Variants in SBF2 observed in about 807,000 individuals in gnomAD.
SBF2 encodes the protein myotubularin-related protein 13.
In SBF2, 112 loss-of-function variants were observed where a neutral mutation model predicts 225.2. The ratio of observed to expected loss-of-function variants is 0.50; its 90% CI spans 0.43 to 0.58. The LOEUF is 0.58. SBF2 is among the 20% of genes least tolerant of loss of function. SBF2 has a pLI of 0.00. For missense variants in SBF2, 1,996 were observed against 2,206.2 expected, an observed-to-expected ratio of 0.90 and a Z score of 1.91; for synonymous variants, 763 against 773.3, an observed-to-expected ratio of 0.99 and a Z score of 0.22.
At chr11:10,210,382 G>A (rs1034786487) in intron 1 of SBF2, among the ~76,000 whole-genome samples, 4 of 150,992 alleles carry the variant, frequency 2.6e-5, no homozygotes, top group African/African-American at 9.7e-5. Flanking sequence ...AGGAGGAGGA[G>A]GAAGAGAAGG....
intron 1 of SBF2, among the ~76,000 whole-genome samples, chr11:10,276,646 TATGAAC>T (rs1962979607): frequency 6.6e-6 from 1 of 152,220 alleles, no homozygotes; most frequent in Non-Finnish European, 1.5e-5. Flanking sequence ...TCATGATCAG[TATGAAC>T]ATGGACAAAT....
chr11:10,146,466 C>T (rs543099999), intron 2 of SBF2, among the ~76,000 whole-genome samples: 2 of 152,212 alleles, frequency 1.3e-5, no homozygotes, highest in East Asian at 3.9e-4. Flanking sequence ...AAAACAAGCA[C>T]TGGGGAAAGG....
chr11:10,021,464 C>A (rs775260585), intron 6 of SBF2, among the ~76,000 whole-genome samples: 23 of 151,442 alleles, frequency 1.5e-4, no homozygotes, highest in East Asian at 5.8e-4. Context: ...AACAAAAAAA[C>A]CAAAAACCAA....
chr11:9,818,020 ATCACAACCTCCACC>A (rs1854552007), intron 28 of SBF2, among the ~76,000 whole-genome samples: 3 of 152,226 alleles, frequency 2.0e-5, no homozygotes, highest in Non-Finnish European at 2.9e-5. Flanking sequence ...ATCTCAGCAC[ATCACAACCTCCACC>A]TCCTGGGTTC....
At chr11:10,289,465 G>A (rs1415435511) in intron 1 of SBF2, among the ~76,000 whole-genome samples, 1 of 152,114 alleles carries the variant, frequency 6.6e-6, no homozygotes, top group African/African-American at 2.4e-5. Context: ...TGGAGCAGGG[G>A]CTCCAGGTCC....
intron 2 of SBF2, among the ~76,000 whole-genome samples, chr11:10,129,545 C>T (rs1367322888): frequency 6.6e-6 from 1 of 152,120 alleles, no homozygotes; most frequent in East Asian, 1.9e-4. Context: ...CTAATTAGAT[C>T]CTCCTTTAAT....
At chr11:10,117,342 G>A (rs1284245487) in intron 2 of SBF2, among the ~76,000 whole-genome samples, 4 of 151,114 alleles carry the variant, frequency 2.6e-5, no homozygotes, top group Non-Finnish European at 5.9e-5. Flanking sequence ...TCGGGAGGCT[G>A]AGGCAGGAGA....
intron 2 of SBF2, among the ~76,000 whole-genome samples, chr11:10,117,048 C>T (rs1355664471): frequency 6.6e-6 from 1 of 151,994 alleles, no homozygotes; most frequent in Non-Finnish European, 1.5e-5. Context: ...AAGTGAAGTG[C>T]CCAGATCAAA....
chr11:9,784,519 T>C (rs987742014), intron 37 of SBF2, 81 bp from the exon 38 acceptor site: 2 of 1,098,884 alleles, frequency 1.8e-6, no homozygotes, highest in African/African-American at 3.1e-5. Flanking sequence ...TCTGTTGTTT[T>C]TGTCAAGTCT....
intron 33 of SBF2, among the ~76,000 whole-genome samples, chr11:9,792,599 G>A (rs901658307): frequency 2.0e-5 from 3 of 152,156 alleles, no homozygotes; most frequent in Non-Finnish European, 4.4e-5. Context: ...AGAAGGAACA[G>A]ACTTCAAGTA....
intron 26 of SBF2, chr11:9,838,343 T>C (rs374819053): frequency 5.9e-5 from 9 of 151,992 alleles, no homozygotes; most frequent in East Asian, 5.8e-4. Context: ...ATTTTACTTC[T>C]GACAGATTGG....
intron 1 of SBF2, among the ~76,000 whole-genome samples, chr11:10,275,114 T>C (rs1476217806): frequency 3.3e-5 from 5 of 151,618 alleles, no homozygotes; most frequent in Non-Finnish European, 7.4e-5. Context: ...GTCCAGAAAC[T>C]AAGTCCATAA....
chr11:9,891,067 T>G (rs1027104391), intron 17 of SBF2, among the ~76,000 whole-genome samples: 1 of 150,788 alleles, frequency 6.6e-6, no homozygotes, highest in East Asian at 1.9e-4. Flanking sequence ...ACCCAGGAGG[T>G]AGAGGTTGCA....
intron 2 of SBF2, among the ~76,000 whole-genome samples, chr11:10,077,258 C>T (rs1951157684): frequency 6.6e-6 from 1 of 152,142 alleles, no homozygotes; most frequent in Admixed American, 6.5e-5. Context: ...ATGCCATCCC[C>T]ATCAAGCTAC....
At chr11:10,102,051 T>C (rs1187557554) in intron 2 of SBF2, among the ~76,000 whole-genome samples, 1 of 152,192 alleles carries the variant, frequency 6.6e-6, no homozygotes, top group East Asian at 1.9e-4. Flanking sequence ...GTGATTTTAG[T>C]AATTTTCTGG....
At chr11:10,112,285 G>A (rs1202968473) in intron 2 of SBF2, among the ~76,000 whole-genome samples, 1 of 152,188 alleles carries the variant, frequency 6.6e-6, no homozygotes, top group Non-Finnish European at 1.5e-5. Context: ...ATTTCCATGT[G>A]TTGTGGAAGG....
rs575749593 is a variant in SBF2, at chr11:9,794,676, CAAAAAAAAA to C, written c.4570+1146_4570+1154del. ...TGATACAGTGAGTGGGACTCCGTCT[CAAAAAAAAA>C]AAAAAAAAAAAAAAAAAAAAAAGAC... On this transcript the variant is annotated intron_variant, in intron 33 of 39. Coordinates refer to ENST00000256190, the MANE Select transcript of SBF2 (RefSeq NM_030962.4). Among the ~76,000 whole-genome samples the C allele has an allele frequency of 4.6e-3, 163 of 35,346 alleles. 1 individual carries two copies. The highest frequency in any genetic ancestry group is 0.015 in the African/African-American group (139 of 9,456). 23.2% of individuals were successfully genotyped at this position (35,346 alleles called of 152,430 possible). A position where few individuals can be genotyped will look rare whatever the true frequency, so the allele number is the denominator to read the frequency against.
chr11:10,223,424 T>A (rs1280370835), intron 1 of SBF2, among the ~76,000 whole-genome samples: 1 of 116,710 alleles, frequency 8.6e-6, no homozygotes, highest in African/African-American at 2.8e-5. Context: ...TATATATATA[T>A]ATATATATAT....
rs894038902 is a variant in SBF2, at chr11:10,232,352, C to T, written c.56-38365G>A. Among the ~76,000 whole-genome samples, 6 of 152,156 alleles carry T rather than the reference C, an allele frequency of 3.9e-5. No homozygotes were observed. In the South Asian group the frequency reaches 1.0e-3, roughly 26 times the overall value. ...CCGGCACTCCCCAGTGAGATGAACG[C>T]GGTACCTCAGTTGGAAATGCATAAA... On this transcript the variant is annotated intron_variant, in intron 1 of 39. Coordinates refer to ENST00000256190, the MANE Select transcript of SBF2 (RefSeq NM_030962.4).
Sources: allele counts gnomAD v4.1 joint callset (sites outside exome capture counted in the v4.1 genomes callset), GRCh38; gene constraint gnomAD v4.1.1; transcripts MANE v1.5; gene names NCBI Gene and HGNC (gene_info 2026-07-23, HGNC 2026-07-21).